The following SNN variants were observed in gnomAD, a reference collection of about 807,000 sequenced individuals.
SNN encodes the protein AG8_1.
Under a neutral mutation model 5.3 loss-of-function variants are expected in SNN, and 5 were observed. The ratio of observed to expected loss-of-function variants is 0.94; its 90% CI spans 0.49 to 1.97. The LOEUF (loss-of-function observed/expected upper bound fraction) is 1.97. SNN is among the 30% of genes most tolerant of loss of function. The pLI, the probability that SNN is intolerant of heterozygous loss-of-function variation, is 0.01. For missense variants in SNN, 127 were observed against 121.6 expected (o/e 1.04, Z -0.21); for synonymous variants, 67 against 52.1 (o/e 1.29, Z -1.24).
At chr16:11,673,065 G>A (rs982255683) in intron 1 of SNN, among the ~76,000 whole-genome samples, 2 of 152,166 alleles carry the variant, frequency 1.3e-5, no homozygotes, top group Admixed American at 6.5e-5. Flanking sequence ...GCAGGCCCTG[G>A]GAACCAGAGG....
chr16:11,678,598 A>G lies in SNN; in HGVS notation c.*2272A>G, dbSNP rs2050328478. 1 of 166,974 alleles carries G rather than the reference A, an allele frequency of 6.0e-6. No individual in the cohort carries two copies. The highest frequency in any genetic ancestry group is 2.4e-5 in the African/African-American group (1 of 41,326). The allele number at this position is 166,974 out of a possible 1,614,324, so 10.3% of individuals were successfully genotyped here. On this transcript the variant is annotated 3_prime_UTR_variant, in exon 2 of 2. Transcript: ENST00000329565. ...CTTATCCTACTCCCTGGTGCCAGGG[A>G]CGTACCTGGGAGTTTGAATCAGGCC...
intron 1 of SNN, among the ~76,000 whole-genome samples, chr16:11,675,545 G>C (rs1334644467): frequency 6.6e-6 from 1 of 152,080 alleles, no homozygotes; most frequent in East Asian, 1.9e-4. Flanking sequence ...GGAATTACAG[G>C]CATGAGTCAC....
Position 11,672,169 on chromosome 16 carries a change from G to A in SNN, c.-86+3629G>A, listed in dbSNP as rs1010722499. Among the ~76,000 whole-genome samples, 4 of 152,210 alleles carry A rather than the reference G, an allele frequency of 2.6e-5. No individual in the cohort carries two copies. The highest frequency in any genetic ancestry group is 5.9e-5 in the Non-Finnish European group (4 of 68,042). ...GAACACTCAACAGACCATTCACTGA[G>A]CACCTACTGTGTACCCGTGCAGGGC... On this transcript the variant is annotated intron_variant, in intron 1 of 1. Coordinates refer to ENST00000329565, the MANE Select transcript of SNN (RefSeq NM_003498.6). The surrounding 1 kb of genome is among the most constrained non-coding windows in gnomAD (Gnocchi z 6.0).
At chr16:11,674,694 A>G (rs1181029143) in intron 1 of SNN, among the ~76,000 whole-genome samples, 1 of 151,620 alleles carries the variant, frequency 6.6e-6, no homozygotes, top group East Asian at 1.9e-4. Context: ...TGGTGCCCCG[A>G]CTCCTGGCAC....
Position 11,668,770 on chromosome 16 carries a change from A to G in SNN, c.-86+230A>G, listed in dbSNP as rs1309753427. 6.7e-6 allele frequency among the ~76,000 whole-genome samples: 1 copy of G among 150,160 alleles called. No individual in the cohort carries two copies. Among genetic ancestry groups the G allele is most frequent in the East Asian group, 2.0e-4 (1 of 4,954 alleles). On this transcript the variant is annotated intron_variant, in intron 1 of 1. Transcript: ENST00000329565. This position sits in a 1 kb window ranked among gnomAD's most constrained non-coding sequence, Gnocchi z 6.8. The stretch of plus-strand genomic sequence containing the variant: ...TCAGCGGCGCTGCGGCGAGATCCGG[A>G]CAAAGGAGGCGGCGGGGGGCGGAGG...
intron 1 of SNN, among the ~76,000 whole-genome samples, chr16:11,669,126 C>A (rs1438674760): frequency 1.3e-5 from 2 of 152,174 alleles, no homozygotes; most frequent in Non-Finnish European, 2.9e-5. Context: ...CCAGCTGTCG[C>A]CCCCTGGGCC....
rs2050336412 is a variant in SNN at position 11,679,080 on chromosome 16, T to G, written c.*2754T>G. The G allele has an allele frequency of 1.8e-6, 2 of 1,131,804 alleles. No homozygotes were observed. The highest frequency in any genetic ancestry group is 5.2e-5 in the East Asian group (2 of 38,786). The allele number at this position is 1,131,804 out of a possible 1,614,324, so 70.1% of individuals were successfully genotyped here. A position where few individuals can be genotyped will look rare whatever the true frequency, so the allele number is the denominator to read the frequency against. On this transcript the variant is annotated 3_prime_UTR_variant, in exon 2 of 2. Coordinates refer to ENST00000329565, the MANE Select transcript of SNN (RefSeq NM_003498.6). The surrounding 1 kb of genome is among the most constrained non-coding windows in gnomAD (Gnocchi z 4.6). Reference sequence around the variant, plus strand: ...AATAAATGCTGAATGACATTCAAGCTGATTTTCTAGACCACTGAGAAAATC... The same window carrying G: ...AATAAATGCTGAATGACATTCAAGCGGATTTTCTAGACCACTGAGAAAATC...
Position 11,678,658 on chromosome 16 carries a change from C to T in SNN, c.*2332C>T, listed in dbSNP as rs1230858864. ...GTGGCAGCCGTGTTGGGTGAAGGTCCGGGGCTCGGTGAGGCACTGGGGGGG... is the reference window on the plus strand; with the variant it reads ...GTGGCAGCCGTGTTGGGTGAAGGTCTGGGGCTCGGTGAGGCACTGGGGGGG... On this transcript the variant is annotated 3_prime_UTR_variant, in exon 2 of 2. Transcript: ENST00000329565. The T allele has an allele frequency of 1.8e-5, 3 of 168,174 alleles. No individual in the cohort carries two copies. Among genetic ancestry groups the T allele is most frequent in the East Asian group, 3.8e-4 (2 of 5,228 alleles). 10.4% of individuals were successfully genotyped at this position (168,174 alleles called of 1,614,324 possible).
chr16:11,670,362 A>C (rs1597387817), intron 1 of SNN, among the ~76,000 whole-genome samples: 1 of 152,100 alleles, frequency 6.6e-6, no homozygotes, highest in African/African-American at 2.4e-5. Context: ...GGCAATGCTC[A>C]TGATGTGCCC....
At chr16:11,675,256 TTC>T (rs2050292048) in intron 1 of SNN, among the ~76,000 whole-genome samples, 3 of 149,930 alleles carry the variant, frequency 2.0e-5, no homozygotes, top group South Asian at 2.1e-4. Flanking sequence ...TCTTTTTTTT[TTC>T]TTTTTTTTTT....
Position 11,668,900 on chromosome 16 carries a change from C to G in SNN, c.-86+360C>G, listed in dbSNP as rs28742272. Reference sequence around the variant, plus strand: ...CGGCATTTCGGGGTTCTTCAAAATTCTGGGAGCTCCGGGGAGGGCTCCGGG... The same window carrying G: ...CGGCATTTCGGGGTTCTTCAAAATTGTGGGAGCTCCGGGGAGGGCTCCGGG... On this transcript the variant is annotated intron_variant, in intron 1 of 1. Transcript: ENST00000329565. This position sits in a 1 kb window ranked among gnomAD's most constrained non-coding sequence, Gnocchi z 6.8. 6.6e-6 allele frequency among the ~76,000 whole-genome samples: 1 copy of G among 151,986 alleles called. No individual in the cohort carries two copies. The highest frequency in any genetic ancestry group is 1.5e-5 in the Non-Finnish European group (1 of 67,948).
chr16:11,669,440 G>T (rs555361582), intron 1 of SNN, among the ~76,000 whole-genome samples: 6 of 152,330 alleles, frequency 3.9e-5, no homozygotes, highest in African/African-American at 7.2e-5. Context: ...GTCGAAATGC[G>T]GGATTTTGGA....
Position 11,668,691 on chromosome 16 carries a change from C to T in SNN, c.-86+151C>T, listed in dbSNP as rs1341348334. Among the ~76,000 whole-genome samples, 3 of 141,094 alleles carry T rather than the reference C, an allele frequency of 2.1e-5. No individual in the cohort carries two copies. Among genetic ancestry groups the T allele is most frequent in the East Asian group, 2.2e-4 (1 of 4,492 alleles). The allele number at this position is 141,094 out of a possible 152,430, so 92.6% of individuals were successfully genotyped here. A position where few individuals can be genotyped will look rare whatever the true frequency, so the allele number is the denominator to read the frequency against. ...CGGGGGAGGGGCGGCCCGGCGGGCG[C>T]GGCTCGGGGGAGGGTCCGTTCCAGG... On this transcript the variant is annotated intron_variant, in intron 1 of 1. Coordinates refer to ENST00000329565, the MANE Select transcript of SNN (RefSeq NM_003498.6). This position sits in a 1 kb window ranked among gnomAD's most constrained non-coding sequence, Gnocchi z 6.8.
In SNN at chr16:11,672,624, A is replaced by G. The variant is rs1055127848; in HGVS notation, c.-85-3351A>G. On this transcript the variant is annotated intron_variant, in intron 1 of 1. Coordinates refer to ENST00000329565, the MANE Select transcript of SNN (RefSeq NM_003498.6). This position sits in a 1 kb window ranked among gnomAD's most constrained non-coding sequence, Gnocchi z 6.0. ...AAACATTTGCTGAGTGAATGAAGGAACAGATACGCACTCGGGAGGGCCGGA... is the reference window on the plus strand; with the variant it reads ...AAACATTTGCTGAGTGAATGAAGGAGCAGATACGCACTCGGGAGGGCCGGA... Among the ~76,000 whole-genome samples, 1 of 152,180 alleles carries G rather than the reference A, an allele frequency of 6.6e-6. No homozygotes were observed. The highest frequency in any genetic ancestry group is 2.1e-4 in the South Asian group (1 of 4,834).
intron 1 of SNN, among the ~76,000 whole-genome samples, chr16:11,673,640 C>T (rs370595573): frequency 6.6e-6 from 1 of 152,208 alleles, no homozygotes; most frequent in East Asian, 1.9e-4. Flanking sequence ...CAGATGTCCC[C>T]AGGGTGGGGA....
intron 1 of SNN, among the ~76,000 whole-genome samples, chr16:11,675,076 T>G (rs1169822171): frequency 6.6e-6 from 1 of 151,976 alleles, no homozygotes; most frequent in Non-Finnish European, 1.5e-5. Flanking sequence ...CCGCCCAGCT[T>G]CCTTCTCAGA....
Position 11,668,753 on chromosome 16 carries a change from G to A in SNN, c.-86+213G>A, listed in dbSNP as rs1204250198. On this transcript the variant is annotated intron_variant, in intron 1 of 1. Transcript: ENST00000329565. This position sits in a 1 kb window ranked among gnomAD's most constrained non-coding sequence, Gnocchi z 6.8. The stretch of plus-strand genomic sequence containing the variant: ...CGGGCTGGGGTTCTTTGTCAGCGGC[G>A]CTGCGGCGAGATCCGGACAAAGGAG... 4.0e-5 allele frequency among the ~76,000 whole-genome samples: 6 copies of A among 150,630 alleles called. No homozygotes were observed. Among genetic ancestry groups the A allele is most frequent in the African/African-American group, 7.3e-5 (3 of 41,162 alleles).
Position 11,679,117 on chromosome 16 carries a change from TA to T in SNN, c.*2794del. On this transcript the variant is annotated 3_prime_UTR_variant, in exon 2 of 2. Coordinates refer to ENST00000329565, the MANE Select transcript of SNN (RefSeq NM_003498.6). The surrounding 1 kb of genome is among the most constrained non-coding windows in gnomAD (Gnocchi z 4.6). ...CCACTGAGAAAATCTTTATTTACAA[TA>T]AATTTCAATAAAATTTGCATAAATA... The T allele has an allele frequency of 6.9e-7, 1 of 1,440,072 alleles. No homozygotes were observed. The highest frequency in any genetic ancestry group is 9.4e-7 in the Non-Finnish European group (1 of 1,059,336). The allele number at this position is 1,440,072 out of a possible 1,614,324, so 89.2% of individuals were successfully genotyped here.
chr16:11,678,979 A>C lies in SNN; in HGVS notation c.*2653A>C. The C allele has an allele frequency of 1.7e-6, 1 of 573,864 alleles. No homozygotes were observed. Among genetic ancestry groups the C allele is most frequent in the South Asian group, 2.3e-5 (1 of 42,810 alleles). The allele number at this position is 573,864 out of a possible 1,614,324, so 35.5% of individuals were successfully genotyped here. ...GGACTAATTTTTTGGACAAATCTTCAAACGGACTGTGCTACTGTATTTGTC... is the reference window on the plus strand; with the variant it reads ...GGACTAATTTTTTGGACAAATCTTCCAACGGACTGTGCTACTGTATTTGTC... On this transcript the variant is annotated 3_prime_UTR_variant, in exon 2 of 2. Transcript: ENST00000329565.
Sources: gnomAD v4.1 joint callset for allele counts (sites outside exome capture counted in the v4.1 genomes callset) on GRCh38, gnomAD v4.1.1 for gene constraint, Gnocchi (gnomAD v3.1) non-coding constraint, MANE v1.5 for transcripts, NCBI Gene and HGNC (gene_info 2026-07-23, HGNC 2026-07-21) for gene names.